Variants in ATP8A2 observed in about 807,000 individuals in gnomAD.
ATP8A2 encodes ATPase phospholipid transporting 8A2, also known as phospholipid-transporting ATPase IB.
ATP8A2 carries 100 observed loss-of-function variants against 165.6 expected under a neutral mutation model. The ratio of observed to expected loss-of-function variants is 0.60; its 90% confidence interval spans 0.51 to 0.71. The LOEUF is 0.71. Ranked by LOEUF, ATP8A2 falls within the 30% of genes least tolerant of loss-of-function variation. The pLI is 0.00. For missense variants in ATP8A2, 1,227 were observed against 1,479.5 expected (o/e 0.83, Z 2.80); for synonymous variants, 543 against 548.8 (o/e 0.99, Z 0.15).
intron 25 of ATP8A2, among the ~76,000 whole-genome samples, chr13:25,708,750 C>T (rs750290954): frequency 2.6e-5 from 4 of 152,184 alleles, no homozygotes; most frequent in Admixed American, 6.5e-5. Flanking sequence ...GTTTCTTACT[C>T]GTTGAACTTT....
At chr13:25,483,163 C>T (rs144610561) in intron 2 of ATP8A2, among the ~76,000 whole-genome samples, 21 of 152,304 alleles carry the variant, frequency 1.4e-4, no homozygotes, top group Non-Finnish European at 2.4e-4. Context: ...CAGGGCTATA[C>T]TGCTGCAGGA....
At chr13:25,914,229 CTG>C (rs1327847180) in intron 33 of ATP8A2, among the ~76,000 whole-genome samples, 1 of 152,106 alleles carries the variant, frequency 6.6e-6, no homozygotes, top group Non-Finnish European at 1.5e-5. Flanking sequence ...CCTGGATTTC[CTG>C]TGTTTTCCTA....
chr13:25,601,552 C>T lies in ATP8A2; in HGVS notation c.2211+11853C>T, dbSNP rs1385306735. ...CCATCTCAGCTCACTACAACCTCTG[C>T]CTCCTGGGTTCACGTGATTCTCCTG... is the stretch of plus-strand genomic sequence containing the variant. On this transcript the variant is annotated intron_variant, in intron 24 of 36. Coordinates refer to ENST00000381655, the MANE Select transcript of ATP8A2 (RefSeq NM_016529.6). 2.0e-5 allele frequency among the ~76,000 whole-genome samples: 3 copies of T among 152,344 alleles called. No individual in the cohort carries two copies. In the East Asian group the frequency reaches 5.8e-4, roughly 29 times the overall value.
At chr13:25,895,557 T>C (rs1953510890) in intron 33 of ATP8A2, among the ~76,000 whole-genome samples, 1 of 152,210 alleles carries the variant, frequency 6.6e-6, no homozygotes, top group South Asian at 2.1e-4. Flanking sequence ...TAAAATGAGT[T>C]AGGGAGGATT....
At chr13:25,523,272 CT>C (rs71077476) in intron 2 of ATP8A2, among the ~76,000 whole-genome samples, 14,612 of 135,538 alleles carry the variant, frequency 0.11, 621 homozygotes, top group African/African-American at 0.13. Context: ...TTTAGGATAA[CT>C]TTTTTTTTTT....
At chr13:25,939,238 C>T (rs1211332259) in intron 33 of ATP8A2, among the ~76,000 whole-genome samples, 4 of 152,156 alleles carry the variant, frequency 2.6e-5, no homozygotes, top group African/African-American at 9.7e-5. Flanking sequence ...ACAGTTTGTC[C>T]TCTGCATACC....
At chr13:25,825,682 TAA>T (rs902540919) in intron 27 of ATP8A2, among the ~76,000 whole-genome samples, 2 of 152,152 alleles carry the variant, frequency 1.3e-5, no homozygotes, top group Non-Finnish European at 2.9e-5. Flanking sequence ...CTCATTGCAC[TAA>T]AAGTGTGGTT....
intron 33 of ATP8A2, among the ~76,000 whole-genome samples, chr13:25,925,151 T>C (rs559166080): frequency 1.2e-4 from 19 of 152,290 alleles, no homozygotes; most frequent in African/African-American, 4.6e-4. Context: ...TGTGGTACTT[T>C]TATTCCCTGA....
At position 25,446,021 on chromosome 13, in the gene ATP8A2, G is replaced by A. The variant is rs540498571; in HGVS notation, c.77-22956G>A. ...GGGATTGCTGTAAATGATAGCGTGC[G>A]TGGAGTGTGCCTGAGAGAAACAGAG... On this transcript the variant is annotated intron_variant, in intron 1 of 36. Coordinates refer to ENST00000381655, the MANE Select transcript of ATP8A2 (RefSeq NM_016529.6). 2.1e-4 allele frequency among the ~76,000 whole-genome samples: 32 copies of A among 152,258 alleles called. 2 individuals are homozygous for A. In the South Asian group the frequency reaches 6.4e-3, roughly 31 times the overall value.
At chr13:25,435,918 T>TGTGAGTGA (rs2138174092) in intron 1 of ATP8A2, among the ~76,000 whole-genome samples, 1 of 126,872 alleles carries the variant, frequency 7.9e-6, no homozygotes, top group East Asian at 2.1e-4. Flanking sequence ...GCATCGTGTG[T>TGTGAGTGA]GTGTGTGTGT....
intron 2 of ATP8A2, among the ~76,000 whole-genome samples, chr13:25,470,548 G>T (rs1327785536): frequency 1.3e-5 from 2 of 152,174 alleles, no homozygotes; most frequent in Non-Finnish European, 2.9e-5. Flanking sequence ...AAACAGTTTG[G>T]TAGTTCTTCA....
At chr13:25,927,449 C>T (rs1204012456) in intron 33 of ATP8A2, among the ~76,000 whole-genome samples, 2 of 152,112 alleles carry the variant, frequency 1.3e-5, no homozygotes, top group African/African-American at 4.8e-5. Context: ...GGTCATAATG[C>T]CAGTTAGCAT....
At chr13:25,543,606 A>G (rs1044050947) in intron 10 of ATP8A2, among the ~76,000 whole-genome samples, 1 of 152,188 alleles carries the variant, frequency 6.6e-6, no homozygotes, top group African/African-American at 2.4e-5. Context: ...GTATGCCTGA[A>G]CTACAAATGG....
At chr13:25,604,227 A>G (rs559581574) in intron 24 of ATP8A2, among the ~76,000 whole-genome samples, 1 of 152,324 alleles carries the variant, frequency 6.6e-6, no homozygotes, top group South Asian at 2.1e-4. Context: ...TCTTTCAAGA[A>G]GAAGGGAAGG....
chr13:25,417,132 C>A (rs955734541), intron 1 of ATP8A2, among the ~76,000 whole-genome samples: 3 of 152,076 alleles, frequency 2.0e-5, no homozygotes, highest in East Asian at 1.9e-4. Flanking sequence ...TGCTTGTCAT[C>A]TTTGCATCCT....
chr13:26,014,934 A>G (rs748696010), intron 36 of ATP8A2, among the ~76,000 whole-genome samples: 11 of 152,214 alleles, frequency 7.2e-5, no homozygotes, highest in Admixed American at 7.2e-4. Flanking sequence ...GAGAAAACAC[A>G]TACAGGTTCC....
intron 27 of ATP8A2, among the ~76,000 whole-genome samples, chr13:25,814,607 G>A (rs927400712): frequency 2.3e-5 from 3 of 128,304 alleles, no homozygotes; most frequent in Non-Finnish European, 4.7e-5. Flanking sequence ...CAAGAGTGCC[G>A]AGAGCATTCA....
chr13:25,983,688 C>A (rs775503012), intron 35 of ATP8A2, among the ~76,000 whole-genome samples: 1 of 152,128 alleles, frequency 6.6e-6, no homozygotes, highest in East Asian at 1.9e-4. Context: ...TAAATATTGT[C>A]ATCCTTTATG....
intron 24 of ATP8A2, among the ~76,000 whole-genome samples, chr13:25,598,495 C>T (rs867608155): frequency 6.6e-6 from 1 of 152,080 alleles, no homozygotes; most frequent in South Asian, 2.1e-4. Flanking sequence ...TGGGATATCT[C>T]TCATTTACTT....
Sources: gnomAD v4.1 joint callset for allele counts (sites outside exome capture counted in the v4.1 genomes callset) on GRCh38, gnomAD v4.1.1 for gene constraint, MANE v1.5 for transcripts, NCBI Gene and HGNC (gene_info 2026-07-23, HGNC 2026-07-21) for gene names.